PRDM5: variants seen among roughly 807,000 people sequenced by gnomAD.
The protein encoded by PRDM5 is PR domain zinc finger protein 5.
A neutral mutation model predicts 81.2 loss-of-function variants in PRDM5; 56 were observed. The observed-to-expected ratio is 0.69, with a 90% CI of 0.56 to 0.86. The LOEUF is 0.86. PRDM5 is among the 40% of genes least tolerant of loss of function. PRDM5 has a pLI of 0.00. For missense variants in PRDM5, 697 were observed against 770.1 expected (o/e 0.91, Z 1.12); for synonymous variants, 267 against 256.4 (o/e 1.04, Z -0.39).
intron 14 of PRDM5, among the ~76,000 whole-genome samples, chr4:120,716,696 T>C (rs1737803229): frequency 6.6e-6 from 1 of 152,184 alleles, no homozygotes; most frequent in Non-Finnish European, 1.5e-5. Context: ...GAACTTCTAA[T>C]GCCTACCATG....
intron 2 of PRDM5, among the ~76,000 whole-genome samples, chr4:120,877,685 A>T (rs967992983): frequency 6.6e-5 from 10 of 152,158 alleles, no homozygotes; most frequent in Non-Finnish European, 1.3e-4. Context: ...CAGTCATTTG[A>T]TCCCAGCTTC....
At chr4:120,807,958 G>C (rs151208481) in intron 8 of PRDM5, among the ~76,000 whole-genome samples, 2 of 152,004 alleles carry the variant, frequency 1.3e-5, no homozygotes, top group South Asian at 4.2e-4. Flanking sequence ...TCTTAAAGGC[G>C]GCACATCTGG....
At position 120,750,716 on chromosome 4, in the gene PRDM5, A is replaced by ACGCG. The variant is rs1190218370; in HGVS notation, c.1623+3836_1623+3837insCGCG. ...CACACACACACACACACACACACACACACGCGCACACAAAACAGACATTCA... is the reference window on the plus strand; with the variant it reads ...CACACACACACACACACACACACACACGCGCACGCGCACACAAAACAGACATTCA... On this transcript the variant is annotated intron_variant, in intron 14 of 15. Transcript: ENST00000264808. Among the ~76,000 whole-genome samples the ACGCG allele has an allele frequency of 6.0e-3, 847 of 140,108 alleles. 8 individuals are homozygous for ACGCG. Among genetic ancestry groups the ACGCG allele is most frequent in the African/African-American group, 0.02 (784 of 39,078 alleles). 91.9% of individuals were successfully genotyped at this position (140,108 alleles called of 152,430 possible). A position where few individuals can be genotyped will look rare whatever the true frequency, so the allele number is the denominator to read the frequency against.
At chr4:120,911,664 AAGCCTC>A (rs1416025836) in intron 1 of PRDM5, among the ~76,000 whole-genome samples, 5 of 152,168 alleles carry the variant, frequency 3.3e-5, no homozygotes, top group Non-Finnish European at 7.4e-5. Context: ...ACTATCTTCT[AAGCCTC>A]AGTCTCCTTA....
rs1348522151 is a variant in PRDM5 at position 120,900,169 on chromosome 4, C to G, written c.177+7305G>C. On this transcript the variant is annotated intron_variant, in intron 2 of 15. Transcript: ENST00000264808. Reference sequence around the variant, plus strand: ...TTTTTATGGAAGCTTCATTACTAGGCATGACTGATATTAGTCACTAGTATA... The same window carrying G: ...TTTTTATGGAAGCTTCATTACTAGGGATGACTGATATTAGTCACTAGTATA... Among the ~76,000 whole-genome samples the G allele has an allele frequency of 2.0e-5, 3 of 152,088 alleles. No individual in the cohort carries two copies. In the South Asian group the frequency reaches 6.2e-4, roughly 32 times the overall value.
chr4:120,839,984 C>T (rs541578984), intron 3 of PRDM5, among the ~76,000 whole-genome samples: 13 of 152,368 alleles, frequency 8.5e-5, no homozygotes, highest in Admixed American at 3.9e-4. Flanking sequence ...CCACATTGCT[C>T]TGAGATCAGA....
At chr4:120,856,158 T>C (rs1387501096) in intron 2 of PRDM5, among the ~76,000 whole-genome samples, 1 of 152,206 alleles carries the variant, frequency 6.6e-6, no homozygotes, top group East Asian at 1.9e-4. Flanking sequence ...CCATTAGACA[T>C]ATGCACTTCC....
intron 14 of PRDM5, among the ~76,000 whole-genome samples, chr4:120,741,435 G>C (rs376067590): frequency 6.6e-6 from 1 of 151,728 alleles, no homozygotes; most frequent in African/African-American, 2.4e-5. Flanking sequence ...CAAGATGGCC[G>C]AATAGGAACA....
chr4:120,794,055 G>C (rs1750989553), intron 10 of PRDM5, among the ~76,000 whole-genome samples: 1 of 152,218 alleles, frequency 6.6e-6, no homozygotes, highest in Non-Finnish European at 1.5e-5. Context: ...TAAGTATTTA[G>C]ATAATGACCT....
intron 2 of PRDM5, among the ~76,000 whole-genome samples, chr4:120,890,234 T>A (rs1056628083): frequency 6.6e-6 from 1 of 152,120 alleles, no homozygotes; most frequent in Non-Finnish European, 1.5e-5. Context: ...AGCAGGCACC[T>A]CACATGGCCA....
At position 120,695,023 on chromosome 4, in the gene PRDM5, G is replaced by T. The variant is rs574626426; in HGVS notation, c.*88C>A. 6.6e-5 allele frequency: 97 copies of T among 1,465,064 alleles called. No individual in the cohort carries two copies. Among genetic ancestry groups the T allele is most frequent in the Non-Finnish European group, 8.7e-5 (91 of 1,049,210 alleles). The allele number at this position is 1,465,064 out of a possible 1,614,324, so 90.8% of individuals were successfully genotyped here. A position where few individuals can be genotyped will look rare whatever the true frequency, so the allele number is the denominator to read the frequency against. On this transcript the variant is annotated 3_prime_UTR_variant, in exon 16 of 16. Transcript: ENST00000264808. ...CTATGAGACCAGTAAGTCACTTTTG[G>T]CTACTTCTGTTATGCTGATCAGGTG...
chr4:120,807,585 C>A (rs1578817121), intron 8 of PRDM5, among the ~76,000 whole-genome samples: 5 of 152,200 alleles, frequency 3.3e-5, no homozygotes, highest in Admixed American at 3.3e-4. Flanking sequence ...AGCTGGAAAC[C>A]ATCACTGTCA....
intron 1 of PRDM5, among the ~76,000 whole-genome samples, chr4:120,916,837 A>G (rs548125665): frequency 4.1e-4 from 63 of 152,292 alleles, no homozygotes; most frequent in African/African-American, 1.5e-3. Flanking sequence ...CAATCCTATC[A>G]GCATGTTCTG....
intron 13 of PRDM5, among the ~76,000 whole-genome samples, chr4:120,774,972 G>GTT (rs1339393169): frequency 2.0e-5 from 3 of 148,934 alleles, no homozygotes; most frequent in African/African-American, 7.4e-5. Context: ...GTATATATGT[G>GTT]TGTGTATATG....
intron 14 of PRDM5, among the ~76,000 whole-genome samples, chr4:120,728,625 A>G (rs1482747460): frequency 1.3e-5 from 2 of 152,130 alleles, no homozygotes; most frequent in East Asian, 1.9e-4. Context: ...TTTGTTTTGT[A>G]CCAATTATTA....
intron 7 of PRDM5, among the ~76,000 whole-genome samples, chr4:120,813,191 T>C (rs1047291612): frequency 4.6e-5 from 7 of 152,212 alleles, no homozygotes; most frequent in Non-Finnish European, 8.8e-5. Flanking sequence ...ACAGTTGTTA[T>C]AGAAATGAAG....
At chr4:120,905,246 C>T (rs1173686960) in intron 2 of PRDM5, among the ~76,000 whole-genome samples, 2 of 152,198 alleles carry the variant, frequency 1.3e-5, no homozygotes, top group African/African-American at 4.8e-5. Context: ...GTCACCTCCA[C>T]TCCTCACCCC....
intron 15 of PRDM5, among the ~76,000 whole-genome samples, chr4:120,697,968 A>T (rs969439706): frequency 2.0e-5 from 2 of 100,158 alleles, no homozygotes; most frequent in Non-Finnish European, 5.3e-5. Flanking sequence ...TAAAATAAAA[A>T]AAAAGAAAAT....
rs566221261 is a variant in PRDM5, at chr4:120,880,197, ACT to A, written c.178-26659_178-26658del. ...CAAAAAACAAAGTCTATTAATTAAA[ACT>A]CACACACAAATAATTAAACTGAAGC... On this transcript the variant is annotated intron_variant, in intron 2 of 15. Coordinates refer to ENST00000264808, the MANE Select transcript of PRDM5 (RefSeq NM_018699.4). Among the ~76,000 whole-genome samples the A allele has an allele frequency of 7.9e-3, 1,204 of 152,290 alleles. 12 individuals are homozygous for A. The highest frequency in any genetic ancestry group is 0.014 in the Non-Finnish European group (934 of 68,000).
Sources: allele counts gnomAD v4.1 joint callset (sites outside exome capture counted in the v4.1 genomes callset), GRCh38; gene constraint gnomAD v4.1.1; transcripts MANE v1.5; gene names NCBI Gene and HGNC (gene_info 2026-07-23, HGNC 2026-07-21).